The following CGGBP1 variants were observed in gnomAD, a reference collection of about 807,000 sequenced individuals.
CGGBP1 encodes CGG triplet repeat-binding protein 1.
A neutral mutation model predicts 11.4 loss-of-function variants in CGGBP1; 4 were observed. The observed-to-expected ratio is 0.35, with a 90% CI of 0.17 to 0.80. The LOEUF is 0.80. Ranked by LOEUF, CGGBP1 falls within the 30% of genes least tolerant of loss-of-function variation. The pLI, the probability that CGGBP1 is intolerant of heterozygous loss-of-function variation, is 0.52. For missense variants in CGGBP1, 135 were observed against 202.1 expected (o/e 0.67, Z 2.01); for synonymous variants, 76 against 74.1 (o/e 1.03, Z -0.13).
intron 1 of CGGBP1, among the ~76,000 whole-genome samples, chr3:88,145,343 T>A (rs556931995): frequency 1.3e-5 from 2 of 152,146 alleles, no homozygotes; most frequent in East Asian, 3.9e-4. Context: ...TGGGATAAAA[T>A]GATTTGTGCA....
intron 2 of CGGBP1, among the ~76,000 whole-genome samples, chr3:88,109,505 TC>T (rs1413175206): frequency 2.0e-5 from 3 of 152,170 alleles, no homozygotes; most frequent in Admixed American, 2.0e-4. Flanking sequence ...CAATTAAGTA[TC>T]ATATTTAGTG....
At chr3:88,114,354 G>C (rs1393369526) in intron 2 of CGGBP1, among the ~76,000 whole-genome samples, 2 of 152,152 alleles carry the variant, frequency 1.3e-5, no homozygotes, top group Admixed American at 1.3e-4. Context: ...GTTTGGAGTA[G>C]ATGAGGGACA....
intron 2 of CGGBP1, among the ~76,000 whole-genome samples, chr3:88,092,855 G>A (rs1281802764): frequency 6.6e-6 from 1 of 152,140 alleles, no homozygotes; most frequent in African/African-American, 2.4e-5. Context: ...TTATACATAT[G>A]TATTGATCTG....
At chr3:88,116,263 G>A (rs1271694201) in intron 2 of CGGBP1, among the ~76,000 whole-genome samples, 4 of 152,120 alleles carry the variant, frequency 2.6e-5, no homozygotes, top group Admixed American at 1.3e-4. Context: ...GTTCACCCCT[G>A]TAATCCCAGC....
chr3:88,127,163 G>A (rs1706159049), intron 2 of CGGBP1, among the ~76,000 whole-genome samples: 1 of 152,060 alleles, frequency 6.6e-6, no homozygotes, highest in Admixed American at 6.6e-5. Flanking sequence ...AGACAGCCAA[G>A]GGGAAAAAAA....
chr3:88,136,182 T>G (rs1171337455), intron 2 of CGGBP1, among the ~76,000 whole-genome samples: 3 of 152,274 alleles, frequency 2.0e-5, no homozygotes, highest in Non-Finnish European at 2.9e-5. Context: ...TTTTAAACAA[T>G]AAAGATGTAT....
intron 2 of CGGBP1, among the ~76,000 whole-genome samples, chr3:88,120,188 T>C (rs1482142785): frequency 1.1e-4 from 16 of 152,154 alleles, no homozygotes; most frequent in Admixed American, 1.0e-3. Context: ...TATCTGAAAA[T>C]TAAGTTGCAA....
intron 2 of CGGBP1, among the ~76,000 whole-genome samples, chr3:88,116,159 A>C (rs188904916): frequency 2.0e-4 from 30 of 152,218 alleles, no homozygotes; most frequent in African/African-American, 6.7e-4. Flanking sequence ...GCTTCTCAGA[A>C]GTGCATCAGG....
Position 88,055,338 on chromosome 3 carries a change from C to G in CGGBP1, c.*135G>C. 1.3e-6 allele frequency: 1 copy of G among 774,622 alleles called. No individual in the cohort carries two copies. The highest frequency in any genetic ancestry group is 1.8e-5 in the African/African-American group (1 of 55,892). 48.0% of individuals were successfully genotyped at this position (774,622 alleles called of 1,614,324 possible). A position where few individuals can be genotyped will look rare whatever the true frequency, so the allele number is the denominator to read the frequency against. On this transcript the variant is annotated 3_prime_UTR_variant, in exon 4 of 4. Transcript: ENST00000482016. This position sits in a 1 kb window ranked among gnomAD's most constrained non-coding sequence, Gnocchi z 4.2. ...AGTGAGGTGGTTTTTTTTTTGCCTG[C>G]AACTATATACACATTGCAAAACTAT... is the stretch of plus-strand genomic sequence containing the variant.
intron 2 of CGGBP1, among the ~76,000 whole-genome samples, chr3:88,118,246 CACA>C (rs1576314999): frequency 6.6e-6 from 1 of 152,094 alleles, no homozygotes; most frequent in East Asian, 1.9e-4. Context: ...TTCCCTGAGA[CACA>C]ACCTGTTTTT....
At chr3:88,139,203 C>T (rs1453217139) in intron 2 of CGGBP1, 7 of 1,457,848 alleles carry the variant, frequency 4.8e-6, no homozygotes, top group African/African-American at 1.4e-5. Context: ...AGAGACTGAT[C>T]CTGATGATGT....
intron 2 of CGGBP1, among the ~76,000 whole-genome samples, chr3:88,130,073 T>C (rs1448751695): frequency 6.6e-6 from 1 of 152,232 alleles, no homozygotes. Context: ...TGAAATTAAA[T>C]TTTAATTTGG....
At chr3:88,089,854 A>G (rs1358654539) in intron 2 of CGGBP1, among the ~76,000 whole-genome samples, 6 of 152,172 alleles carry the variant, frequency 3.9e-5, no homozygotes. Context: ...GGAAAAGGAG[A>G]ATAAGTCATG....
At chr3:88,099,540 A>G (rs1704277276) in intron 2 of CGGBP1, among the ~76,000 whole-genome samples, 1 of 122,354 alleles carries the variant, frequency 8.2e-6, no homozygotes, top group South Asian at 3.4e-4. Context: ...GCCAAAGAAC[A>G]AAGCTGGAGG....
chr3:88,132,011 A>G (rs1342137367), intron 2 of CGGBP1, among the ~76,000 whole-genome samples: 1 of 152,124 alleles, frequency 6.6e-6, no homozygotes, highest in Non-Finnish European at 1.5e-5. Flanking sequence ...ACAATCATTA[A>G]TAATAATAAT....
chr3:88,109,433 T>C (rs1376110425), intron 2 of CGGBP1, among the ~76,000 whole-genome samples: 1 of 152,114 alleles, frequency 6.6e-6, no homozygotes, highest in African/African-American at 2.4e-5. Flanking sequence ...ATTGTTTGAC[T>C]CACATAGAGT....
intron 2 of CGGBP1, chr3:88,128,711 C>A: frequency 1.3e-6 from 1 of 788,828 alleles, no homozygotes; most frequent in Non-Finnish European, 1.9e-6. Flanking sequence ...GTAGTTAAAT[C>A]TAATTAGAAA....
At chr3:88,142,020 TG>T (rs57873192) in intron 1 of CGGBP1, 123,119 of 172,924 alleles carry the variant, frequency 0.71, 47,858 homozygotes, top group South Asian at 0.89. Context: ...AAAGTGTGTG[TG>T]GGGAGGGGGG....
At chr3:88,099,269 T>TA in intron 2 of CGGBP1, among the ~76,000 whole-genome samples, 1 of 152,106 alleles carries the variant, frequency 6.6e-6, no homozygotes, top group Non-Finnish European at 1.5e-5. Flanking sequence ...GAATCCAACT[T>TA]ACAAGGGATG....
Sources: gnomAD v4.1 joint callset for allele counts (sites outside exome capture counted in the v4.1 genomes callset) on GRCh38, gnomAD v4.1.1 for gene constraint, Gnocchi (gnomAD v3.1) non-coding constraint, MANE v1.5 for transcripts, NCBI Gene and HGNC (gene_info 2026-07-23, HGNC 2026-07-21) for gene names.